STARD13: variants seen among roughly 807,000 people sequenced by gnomAD.
STARD13 encodes the protein StAR related lipid transfer domain containing 13, also known as stAR-related lipid transfer protein 13.
STARD13 carries 62 observed loss-of-function variants against 106.4 expected under a neutral mutation model. That is an observed-to-expected ratio of 0.58 (90% CI 0.48 to 0.72). The LOEUF (loss-of-function observed/expected upper bound fraction) is 0.72, where lower values mean the gene tolerates loss of function less well. Among genes scored for constraint, STARD13 ranks in the 30% least tolerant of loss-of-function variants. The probability of loss-of-function intolerance (pLI) is 0.00; values close to 1 mark genes in which losing one functional copy is unlikely to be tolerated. For synonymous variants in STARD13, 565 were observed against 553.0 expected, an observed-to-expected ratio of 1.02 and a Z score of -0.31; for missense variants, 1,387 against 1,424.0, an observed-to-expected ratio of 0.97 and a Z score of 0.42.
chr13:33,562,838 A>G, the STARD13 span, among the ~76,000 whole-genome samples: 1 of 147,164 alleles, frequency 6.8e-6, no homozygotes, highest in Non-Finnish European at 1.5e-5. Context: ...GTTGAGGGGG[A>G]AAAAGAAAAC....
chr13:33,654,480 G>T, the STARD13 span, among the ~76,000 whole-genome samples: 5 of 152,094 alleles, frequency 3.3e-5, no homozygotes, highest in East Asian at 5.8e-4. Flanking sequence ...GAGAATGGGG[G>T]CTGACTGCTA....
chr13:33,431,730 G>A, the STARD13 span, among the ~76,000 whole-genome samples: 1 of 152,110 alleles, frequency 6.6e-6, no homozygotes, highest in Non-Finnish European at 1.5e-5. Context: ...CAAGATAATA[G>A]TTATATTGCT....
At chr13:33,479,985 T>G in the STARD13 span, among the ~76,000 whole-genome samples, 1 of 152,204 alleles carries the variant, frequency 6.6e-6, no homozygotes, top group Non-Finnish European at 1.5e-5. Context: ...CTTTTCTTTA[T>G]AAATTACCCA....
chr13:33,546,417 C>A, the STARD13 span, among the ~76,000 whole-genome samples: 2 of 152,108 alleles, frequency 1.3e-5, no homozygotes, highest in African/African-American at 4.8e-5. Context: ...CTAATAGTCA[C>A]ATTTTGACTA....
chr13:33,661,919 T>C, the STARD13 span, among the ~76,000 whole-genome samples: 2 of 151,004 alleles, frequency 1.3e-5, no homozygotes, highest in Non-Finnish European at 2.9e-5. Context: ...AAAAAAAAAT[T>C]ATGATTATAT....
chr13:33,538,463 TAAGA>T, the STARD13 span, among the ~76,000 whole-genome samples: 1 of 152,032 alleles, frequency 6.6e-6, no homozygotes, highest in South Asian at 2.1e-4. Flanking sequence ...ACCTCAGGAG[TAAGA>T]AAGAACCTGA....
the STARD13 span, among the ~76,000 whole-genome samples, chr13:33,665,682 T>G: frequency 6.6e-6 from 1 of 152,232 alleles, no homozygotes; most frequent in Non-Finnish European, 1.5e-5. Context: ...TTGACTTTCC[T>G]ATTTTTCTTC....
At chr13:33,548,547 C>T in the STARD13 span, among the ~76,000 whole-genome samples, 2 of 152,074 alleles carry the variant, frequency 1.3e-5, no homozygotes, top group African/African-American at 4.8e-5. Flanking sequence ...GTTTTGCAAA[C>T]TCAGGACTCT....
chr13:33,534,086 T>G, the STARD13 span, among the ~76,000 whole-genome samples: 1 of 152,206 alleles, frequency 6.6e-6, no homozygotes, highest in Non-Finnish European at 1.5e-5. Flanking sequence ...GGTATCACAA[T>G]AGGAATGCTC....
intron 1 of STARD13, among the ~76,000 whole-genome samples, chr13:33,268,624 C>T (rs1057070405): frequency 6.6e-6 from 1 of 152,224 alleles, no homozygotes; most frequent in Non-Finnish European, 1.5e-5. Context: ...CACAGCGCAT[C>T]AGTGCTGGAA....
intron 3 of STARD13, among the ~76,000 whole-genome samples, chr13:33,159,441 A>C (rs1373992068): frequency 6.6e-6 from 1 of 152,194 alleles, no homozygotes; most frequent in Non-Finnish European, 1.5e-5. Context: ...TTCAACACCC[A>C]CATGTTTGAG....
chr13:33,569,941 T>C, the STARD13 span, among the ~76,000 whole-genome samples: 1 of 147,134 alleles, frequency 6.8e-6, no homozygotes, highest in Non-Finnish European at 1.5e-5. Flanking sequence ...GGATGAGGGA[T>C]AAAAGACCAC....
the STARD13 span, among the ~76,000 whole-genome samples, chr13:33,559,876 T>C: frequency 1.3e-5 from 2 of 151,254 alleles, no homozygotes; most frequent in East Asian, 3.9e-4. Context: ...AAAGAGACAC[T>C]AGAGCTTCTT....
the STARD13 span, among the ~76,000 whole-genome samples, chr13:33,585,882 A>C: frequency 6.6e-6 from 1 of 152,216 alleles, no homozygotes; most frequent in Non-Finnish European, 1.5e-5. Flanking sequence ...TACTTAGAGT[A>C]GGCAACTTTG....
At chr13:33,231,389 T>C (rs947889774) in intron 1 of STARD13, among the ~76,000 whole-genome samples, 2 of 152,214 alleles carry the variant, frequency 1.3e-5, no homozygotes, top group Non-Finnish European at 2.9e-5. Context: ...TGGCTTTCTT[T>C]AGACTGGGTA....
At chr13:33,410,819 T>C in the STARD13 span, among the ~76,000 whole-genome samples, 1 of 152,236 alleles carries the variant, frequency 6.6e-6, no homozygotes, top group South Asian at 2.1e-4. Context: ...CTCTGCTCAA[T>C]GTCAGGCTGT....
the STARD13 span, among the ~76,000 whole-genome samples, chr13:33,390,806 G>T: frequency 2.0e-5 from 3 of 152,068 alleles, no homozygotes; most frequent in Non-Finnish European, 4.4e-5. Context: ...TTTACATTTT[G>T]CACACTGGGC....
the STARD13 span, among the ~76,000 whole-genome samples, chr13:33,581,857 T>G: frequency 2.0e-5 from 3 of 152,298 alleles, no homozygotes; most frequent in Non-Finnish European, 2.9e-5. Flanking sequence ...GTTACTACAT[T>G]TATTGAACAT....
At chr13:33,369,822 GC>G in the STARD13 span, among the ~76,000 whole-genome samples, 2 of 152,034 alleles carry the variant, frequency 1.3e-5, no homozygotes, top group African/African-American at 4.8e-5. Flanking sequence ...GCTCACAGTT[GC>G]CCCTCAGTAA....
Sources: gnomAD v4.1 joint callset for allele counts (sites outside exome capture counted in the v4.1 genomes callset) on GRCh38, gnomAD v4.1.1 for gene constraint, MANE v1.5 for transcripts, NCBI Gene and HGNC (gene_info 2026-07-23, HGNC 2026-07-21) for gene names.